The following IL33 variants were observed in gnomAD, a reference collection of about 807,000 sequenced individuals.
The protein encoded by IL33 is interleukin-33.
Under a neutral mutation model 27.3 loss-of-function variants are expected in IL33, and 37 were observed. The ratio of observed to expected loss-of-function variants is 1.36; its 90% CI spans 1.04 to 1.78. IL33 has a LOEUF of 1.78. Ranked by LOEUF, IL33 falls within the 40% of genes most tolerant of loss-of-function variation. IL33 has a pLI of 0.00. For synonymous variants in IL33, 132 were observed against 102.9 expected (o/e 1.28, Z -1.71); for missense variants, 406 against 311.4 (o/e 1.30, Z -2.29).
At position 6,241,273 on chromosome 9, in the gene IL33, T is replaced by C. The variant is rs145094000; in HGVS notation, c.-11-411T>C. 6.8e-3 allele frequency among the ~76,000 whole-genome samples: 1,034 copies of C among 152,314 alleles called. 8 individuals carry two copies. The highest frequency in any genetic ancestry group is 0.01 in the Non-Finnish European group (685 of 68,022). ...ATACATAAACCAGTAACATAGTCAT[T>C]TGTTACCAAGTATTATATACTATGC... On this transcript the variant is annotated intron_variant, in intron 1 of 7. Coordinates refer to ENST00000682010, the MANE Select transcript of IL33 (RefSeq NM_033439.4).
intron 1 of IL33, among the ~76,000 whole-genome samples, chr9:6,240,336 G>A (rs1041531737): frequency 1.9e-4 from 29 of 152,264 alleles, no homozygotes; most frequent in African/African-American, 6.0e-4. Flanking sequence ...GAAGCGTGGG[G>A]TGGAGGGGTT....
chr9:6,246,846 C>A (rs913449735), intron 2 of IL33, among the ~76,000 whole-genome samples: 3 of 152,146 alleles, frequency 2.0e-5, no homozygotes, highest in Non-Finnish European at 4.4e-5. Context: ...AACCAGACAC[C>A]AAATAAAACT....
intron 1 of IL33, among the ~76,000 whole-genome samples, chr9:6,236,787 C>T (rs1376578932): frequency 6.6e-6 from 1 of 152,200 alleles, no homozygotes; most frequent in Non-Finnish European, 1.5e-5. Context: ...AGAAGAATTG[C>T]TTTAATCTGG....
chr9:6,253,344 TA>T (rs1369942766), intron 5 of IL33, among the ~76,000 whole-genome samples: 1 of 152,188 alleles, frequency 6.6e-6, no homozygotes. Context: ...CTATGAAAAA[TA>T]TTTTAAATAT....
intron 1 of IL33, among the ~76,000 whole-genome samples, chr9:6,231,423 C>A (rs975266176): frequency 3.9e-5 from 6 of 152,188 alleles, no homozygotes; most frequent in Admixed American, 2.6e-4. Context: ...AGGGCCTTTG[C>A]CCCTGAGGTT....
chr9:6,241,809 ATG>A (rs752339339), intron 2 of IL33, 24 bp downstream of exon 2: 8 of 1,501,872 alleles, frequency 5.3e-6, no homozygotes, highest in Non-Finnish European at 6.4e-6. Context: ...TTATCTCTGA[ATG>A]TTTTACGCAC....
At chr9:6,238,595 T>A (rs1000966181) in intron 1 of IL33, among the ~76,000 whole-genome samples, 6 of 152,200 alleles carry the variant, frequency 3.9e-5, no homozygotes, top group Non-Finnish European at 1.5e-5. Flanking sequence ...TAACGAGTCC[T>A]CTAATCCAAG....
At chr9:6,233,136 A>G (rs1038882922) in intron 1 of IL33, among the ~76,000 whole-genome samples, 5 of 152,180 alleles carry the variant, frequency 3.3e-5, no homozygotes, top group African/African-American at 1.2e-4. Context: ...CTGAAACTCT[A>G]TGCTCACTGA....
chr9:6,255,010 A>C (rs1412421), intron 7 of IL33, among the ~76,000 whole-genome samples: 79,410 of 151,906 alleles, frequency 0.52, 22,604 homozygotes, highest in Non-Finnish European at 0.64. Flanking sequence ...AAACAAATAC[A>C]AAAAAAATTT....
chr9:6,215,879 TTA>T (rs1818114194), intron 1 of IL33, 27 bp downstream of exon 1: 1 of 151,402 alleles, frequency 6.6e-6, no homozygotes, highest in African/African-American at 2.4e-5. Context: ...TGGGAGATTT[TTA>T]GTCAGATTTT....
chr9:6,230,335 C>T (rs1818866777), intron 1 of IL33, among the ~76,000 whole-genome samples: 1 of 152,116 alleles, frequency 6.6e-6, no homozygotes, highest in Non-Finnish European at 1.5e-5. Context: ...GAGAAGTGTT[C>T]TCCCCAGGGT....
Position 6,251,243 on chromosome 9 carries a change from A to G in IL33, c.321A>G (p.Ala107=). 2 of 1,613,704 alleles carry G rather than the reference A, an allele frequency of 1.2e-6. No individual in the cohort carries two copies. Among genetic ancestry groups the G allele is most frequent in the Non-Finnish European group, 1.7e-6 (2 of 1,179,734 alleles). Residue 107 remains alanine (A), a synonymous_variant, in exon 4 of 8, where the codon GCA becomes GCG. Coordinates refer to ENST00000682010, the MANE Select transcript of IL33 (RefSeq NM_033439.4). ...CAGGGGTCCAGAAATATACTAGAGCACTTCATGATTCAAGTATCACAGGTA... is the reference window on the plus strand; with the variant it reads ...CAGGGGTCCAGAAATATACTAGAGCGCTTCATGATTCAAGTATCACAGGTA... ...GISGVQKYTR[A]LHDSSITGIS...
rs1190532358 is a variant in IL33 at position 6,254,962 on chromosome 9, C to A, written c.612+409C>A. 2.6e-5 allele frequency among the ~76,000 whole-genome samples: 4 copies of A among 152,068 alleles called. No individual in the cohort carries two copies. In the South Asian group the frequency reaches 6.2e-4, roughly 24 times the overall value. ...GTTTGGCTTTAGGAACTACTATGTTCCTCTAGGAAACGTTTCTTTGTATAA... is the reference window on the plus strand; with the variant it reads ...GTTTGGCTTTAGGAACTACTATGTTACTCTAGGAAACGTTTCTTTGTATAA... On this transcript the variant is annotated intron_variant, in intron 7 of 7. Transcript: ENST00000682010.
At chr9:6,248,770 G>A (rs894348804) in intron 2 of IL33, among the ~76,000 whole-genome samples, 3 of 151,422 alleles carry the variant, frequency 2.0e-5, no homozygotes, top group Non-Finnish European at 4.4e-5. Context: ...TTGTAGAGAC[G>A]GTCTTACTGT....
intron 2 of IL33, among the ~76,000 whole-genome samples, chr9:6,248,342 A>T (rs1230099278): frequency 7.2e-6 from 1 of 138,212 alleles, no homozygotes; most frequent in Non-Finnish European, 1.5e-5. Flanking sequence ...GAGAGGTCGG[A>T]TCTTTAAGAT....
At chr9:6,251,588 T>C (rs1929992) in intron 4 of IL33, among the ~76,000 whole-genome samples, 54,114 of 151,932 alleles carry the variant, frequency 0.36, 10,067 homozygotes, top group East Asian at 0.5. Flanking sequence ...CAAATTTCAA[T>C]ATTTTGACCA....
chr9:6,241,574 T>A, intron 1 of IL33, 110 bp from the exon 2 acceptor site: 1 of 595,276 alleles, frequency 1.7e-6, no homozygotes, highest in East Asian at 2.9e-5. Context: ...CTGAAATAAT[T>A]ATTTCCTCTA....
intron 1 of IL33, among the ~76,000 whole-genome samples, chr9:6,216,369 A>G (rs1218473099): frequency 1.3e-5 from 2 of 152,128 alleles, no homozygotes; most frequent in African/African-American, 4.8e-5. Flanking sequence ...GCAAGTTGAT[A>G]ATTCTACTTC....
upstream of IL33, chr9:6,215,727 C>T (rs1431798023): frequency 3.3e-5 from 5 of 152,256 alleles, no homozygotes; most frequent in East Asian, 3.9e-4. Flanking sequence ...AAATCTCACC[C>T]GCCCAGATCT....
Sources: gnomAD v4.1 joint callset for allele counts (sites outside exome capture counted in the v4.1 genomes callset) on GRCh38, gnomAD v4.1.1 for gene constraint, MANE v1.5 for transcripts, NCBI Gene and HGNC (gene_info 2026-07-23, HGNC 2026-07-21) for gene names.